PI4KA: variants seen among roughly 807,000 people sequenced by gnomAD.
The protein encoded by PI4KA is PI4-kinase alpha.
A neutral mutation model predicts 271.4 loss-of-function variants in PI4KA; 122 were observed. The ratio of observed to expected loss-of-function variants is 0.45; its 90% CI spans 0.39 to 0.52. PI4KA has a LOEUF of 0.52. Among genes scored for constraint, PI4KA ranks in the 20% least tolerant of loss-of-function variants. The pLI, the probability that PI4KA is intolerant of heterozygous loss-of-function variation, is 0.00. For missense variants in PI4KA, 1,969 were observed against 2,769.1 expected (o/e 0.71, Z 6.48); for synonymous variants, 1,041 against 1,078.8 (o/e 0.96, Z 0.69).
chr22:20,799,860 A>C (rs1935198401), intron 14 of PI4KA, 94 bp from the exon 15 acceptor site: 1 of 704,694 alleles, frequency 1.4e-6, no homozygotes, highest in African/African-American at 1.8e-5. Flanking sequence ...TACAAAGTTT[A>C]AAGAACTGCT....
chr22:20,762,044 CTCTTT>C (rs1932021028), intron 22 of PI4KA, among the ~76,000 whole-genome samples: 1 of 152,220 alleles, frequency 6.6e-6, no homozygotes, highest in Admixed American at 6.5e-5. Flanking sequence ...GTTTTCTCTT[CTCTTT>C]TTTGTTTTAT....
At chr22:20,813,134 T>A (rs1247092921) in intron 8 of PI4KA, among the ~76,000 whole-genome samples, 1 of 152,182 alleles carries the variant, frequency 6.6e-6, no homozygotes, top group Admixed American at 6.6e-5. Context: ...TGGGGATGCA[T>A]GGGTGCCTCC....
chr22:20,707,815 C>G lies in PI4KA; in HGVS notation c.*232G>C, dbSNP rs185095845. On this transcript the variant is annotated 3_prime_UTR_variant, in exon 55 of 55. Coordinates refer to ENST00000255882, the MANE Select transcript of PI4KA (RefSeq NM_058004.4). ...AGGTAGGGAATATGTCCAGTGCAAACAGAGGACTCACACCTGTGCATAGAC... is the reference window on the plus strand; with the variant it reads ...AGGTAGGGAATATGTCCAGTGCAAAGAGAGGACTCACACCTGTGCATAGAC... 9 of 610,996 alleles carry G rather than the reference C, an allele frequency of 1.5e-5. No homozygotes were observed. In the African/African-American group the frequency reaches 1.5e-4, roughly 10 times the overall value. 37.8% of individuals were successfully genotyped at this position (610,996 alleles called of 1,614,324 possible).
At chr22:20,773,281 G>C (rs1241014480) in intron 19 of PI4KA, among the ~76,000 whole-genome samples, 1 of 129,486 alleles carries the variant, frequency 7.7e-6, no homozygotes, top group Non-Finnish European at 1.6e-5. Flanking sequence ...CAGCCACTCA[G>C]GAGGCTGAGG....
At chr22:20,711,636 T>C (rs1925287082) in intron 50 of PI4KA, among the ~76,000 whole-genome samples, 175 bp from the exon 51 acceptor site, 1 of 152,180 alleles carries the variant, frequency 6.6e-6, no homozygotes. Context: ...ACAGGGGCTC[T>C]CTGTGGAAGT....
chr22:20,796,689 C>T (rs945483308), intron 17 of PI4KA, among the ~76,000 whole-genome samples: 2 of 152,250 alleles, frequency 1.3e-5, no homozygotes, highest in African/African-American at 4.8e-5. Flanking sequence ...TTGCTTCCCC[C>T]CTACAAATCA....
chr22:20,779,568 T>C (rs749392721), intron 19 of PI4KA: 1 of 1,614,200 alleles, frequency 6.2e-7, no homozygotes, highest in Non-Finnish European at 8.5e-7. Flanking sequence ...GGAGAAGATA[T>C]TCAGTGAAGA....
intron 19 of PI4KA, among the ~76,000 whole-genome samples, chr22:20,767,079 G>A (rs1391060300): frequency 6.6e-6 from 1 of 152,122 alleles, no homozygotes; most frequent in Non-Finnish European, 1.5e-5. Context: ...TGTTGCAACA[G>A]CAAAATAAAT....
At chr22:20,815,535 A>G (rs754235154) in intron 7 of PI4KA, among the ~76,000 whole-genome samples, 2 of 152,232 alleles carry the variant, frequency 1.3e-5, no homozygotes, top group Non-Finnish European at 2.9e-5. Context: ...GAACAGACTC[A>G]AAGAGTTTAG....
chr22:20,858,500 G>A (rs1002140106), intron 1 of PI4KA, 70 bp downstream of exon 1: 2 of 1,141,816 alleles, frequency 1.8e-6, no homozygotes, highest in South Asian at 2.6e-5. Flanking sequence ...ACAGACCCTC[G>A]TCCCGCCTCC....
At chr22:20,787,132 A>T in intron 19 of PI4KA, 1 of 1,391,248 alleles carries the variant, frequency 7.2e-7, no homozygotes, top group Non-Finnish European at 1.0e-6. Flanking sequence ...TCCAACAACG[A>T]GAACAGAGAT....
chr22:20,719,846 G>GA (rs2147198442), intron 43 of PI4KA, among the ~76,000 whole-genome samples: 3 of 152,096 alleles, frequency 2.0e-5, no homozygotes, highest in African/African-American at 7.2e-5. Context: ...CTAACATGGT[G>GA]AAACACCGTC....
intron 12 of PI4KA, among the ~76,000 whole-genome samples, chr22:20,803,809 T>C (rs1355203297): frequency 2.0e-5 from 3 of 152,230 alleles, no homozygotes; most frequent in Admixed American, 1.3e-4. Flanking sequence ...TGAGCAACCG[T>C]ACCTGGCCAG....
In PI4KA at chr22:20,744,702, G is replaced by A; in HGVS notation, c.3382C>T (p.Arg1128Cys). The change falls in exon 30 of 55, where the codon CGC (arginine) becomes TGC (cysteine). Residue 1128 changes from arginine (R) to cysteine (C), a missense_variant. Arg to Cys is a radical substitution (Grantham distance 180). Transcript: ENST00000255882. ...TTLGATQLSE[R>C]PACVKKDYSN... Reference sequence around the variant, plus strand: ...TAGTCTTTCTTCACACAGGCCGGGCGCTCGCTCAGCTGAGTTGCCTACAGA... The same window carrying A: ...TAGTCTTTCTTCACACAGGCCGGGCACTCGCTCAGCTGAGTTGCCTACAGA... The A allele has an allele frequency of 1.2e-6, 2 of 1,613,980 alleles. No individual in the cohort carries two copies. Among genetic ancestry groups the A allele is most frequent in the Non-Finnish European group, 1.7e-6 (2 of 1,179,858 alleles).
chr22:20,775,657 C>G (rs1048242517), intron 19 of PI4KA, among the ~76,000 whole-genome samples: 3 of 152,020 alleles, frequency 2.0e-5, no homozygotes, highest in Non-Finnish European at 4.4e-5. Flanking sequence ...CTTCTTTTGG[C>G]TTTCTTTTTT....
At position 20,838,615 on chromosome 22, in the gene PI4KA, C is replaced by G; in HGVS notation, c.273G>C (p.Gln91His). 6.4e-7 allele frequency: 1 copy of G among 1,563,516 alleles called. No individual in the cohort carries two copies. Among genetic ancestry groups the G allele is most frequent in the Non-Finnish European group, 8.8e-7 (1 of 1,134,290 alleles). The change falls in exon 2 of 55, where the codon CAG (glutamine) becomes CAC (histidine). Residue 91 changes from glutamine (Q) to histidine (H), a missense_variant and splice_region_variant. Around this residue, in one of 13 missense-constraint regions of PI4KA, gnomAD observed 540 missense variants for 555.5 expected, o/e 0.97. Transcript: ENST00000255882. Reference sequence around the variant, plus strand: ...AACTTTTAATTTCATGAAGACTTACCTGAAGATCAGATTCAATCAGAAAAA... The same window carrying G: ...AACTTTTAATTTCATGAAGACTTACGTGAAGATCAGATTCAATCAGAAAAA... ...LGIFLIESDL[Q>H]HKDCVVPYLL... is the part of the protein sequence containing the mutation.
intron 28 of PI4KA, 56 bp from the exon 29 acceptor site, chr22:20,747,758 A>C: frequency 6.4e-7 from 1 of 1,569,952 alleles, no homozygotes; most frequent in Non-Finnish European, 8.7e-7. Context: ...TTTTAGAGGC[A>C]GGGTCTCGCT....
At chr22:20,710,569 G>T (rs1925122119) in intron 52 of PI4KA, 130 bp downstream of exon 52, 1 of 783,434 alleles carries the variant, frequency 1.3e-6, no homozygotes, top group African/African-American at 1.8e-5. Flanking sequence ...CCAAAGGACA[G>T]GTGTAGGTCA....
chr22:20,722,860 A>G (rs191787612), intron 42 of PI4KA, among the ~76,000 whole-genome samples: 6 of 152,340 alleles, frequency 3.9e-5, no homozygotes, highest in African/African-American at 1.2e-4. Flanking sequence ...AAATGGATCT[A>G]AAGACAAACT....
Sources: allele counts gnomAD v4.1 joint callset (sites outside exome capture counted in the v4.1 genomes callset), GRCh38; gene constraint gnomAD v4.1.1; regional missense constraint gnomAD v4.1.1; transcripts MANE v1.5; gene names NCBI Gene and HGNC (gene_info 2026-07-23, HGNC 2026-07-21).